Variants in WWOX observed in about 807,000 individuals in gnomAD.
WWOX encodes the protein WW domain-containing oxidoreductase.
In WWOX, 69 loss-of-function variants were observed where a neutral mutation model predicts 46.2. That is an observed-to-expected ratio of 1.49 (90% confidence interval 1.23 to 1.82). WWOX has a LOEUF of 1.82. Among genes scored for constraint, WWOX ranks in the 40% most tolerant of loss-of-function variants. The pLI, the probability that WWOX is intolerant of heterozygous loss-of-function variation, is 0.00. For missense variants in WWOX, 919 were observed against 542.6 expected (o/e 1.69, Z -6.89); for synonymous variants, 359 against 202.6 (o/e 1.77, Z -6.56).
At chr16:78,992,863 C>T (rs2046915575) in intron 8 of WWOX, among the ~76,000 whole-genome samples, 1 of 152,012 alleles carries the variant, frequency 6.6e-6, no homozygotes, top group Non-Finnish European at 1.5e-5. Flanking sequence ...AGTAGGCAGT[C>T]AGGATTTAAC....
intron 8 of WWOX, among the ~76,000 whole-genome samples, chr16:78,854,388 A>G (rs905799426): frequency 3.9e-5 from 6 of 152,248 alleles, no homozygotes; most frequent in South Asian, 2.1e-4. Flanking sequence ...TGAAATTATC[A>G]TGAAACACAT....
intron 5 of WWOX, among the ~76,000 whole-genome samples, chr16:78,172,641 C>G (rs1169383604): frequency 6.7e-6 from 1 of 149,326 alleles, no homozygotes; most frequent in Middle Eastern, 3.4e-3. Context: ...CCGAATCTTT[C>G]AAACTTTATA....
chr16:78,959,813 G>T (rs1195749849), intron 8 of WWOX, among the ~76,000 whole-genome samples: 1 of 152,192 alleles, frequency 6.6e-6, no homozygotes, highest in Admixed American at 6.5e-5. Flanking sequence ...TCTGAACCCT[G>T]TGGAAATCAT....
intron 5 of WWOX, among the ~76,000 whole-genome samples, chr16:78,370,727 C>G (rs2081656728): frequency 1.3e-5 from 2 of 149,670 alleles, no homozygotes; most frequent in Admixed American, 1.3e-4. Context: ...TCACCATCTG[C>G]CAATGTGAGT....
At chr16:78,754,815 C>T (rs2049595594) in intron 8 of WWOX, among the ~76,000 whole-genome samples, 1 of 152,096 alleles carries the variant, frequency 6.6e-6, no homozygotes, top group Admixed American at 6.5e-5. Context: ...TATAGATCTG[C>T]ACGGTTGGGC....
chr16:78,611,032 G>T (rs997248113), intron 8 of WWOX, among the ~76,000 whole-genome samples: 8 of 152,106 alleles, frequency 5.3e-5, no homozygotes, highest in Admixed American at 1.3e-4. Flanking sequence ...GCAATATGAA[G>T]AACAATTTCA....
intron 8 of WWOX, among the ~76,000 whole-genome samples, chr16:78,555,788 C>T (rs1232224471): frequency 2.6e-5 from 4 of 151,904 alleles, no homozygotes; most frequent in African/African-American, 9.7e-5. Flanking sequence ...TGACTTTGCC[C>T]ACAAATGCCA....
chr16:78,613,588 A>G (rs534845915), intron 8 of WWOX, among the ~76,000 whole-genome samples: 2 of 152,290 alleles, frequency 1.3e-5, no homozygotes, highest in South Asian at 2.1e-4. Context: ...CCACTGGTTC[A>G]ACACACCTGA....
At chr16:78,329,217 G>T (rs1457199858) in intron 5 of WWOX, among the ~76,000 whole-genome samples, 1 of 152,094 alleles carries the variant, frequency 6.6e-6, no homozygotes, top group Non-Finnish European at 1.5e-5. Context: ...GCAACCCCAT[G>T]GTATCGGTGG....
intron 8 of WWOX, among the ~76,000 whole-genome samples, chr16:78,433,777 CTTTTTTTTTTTTTTTTTT>C (rs547236644): frequency 1.2e-5 from 1 of 84,374 alleles, no homozygotes; most frequent in Non-Finnish European, 2.2e-5. Context: ...TTGGGGATGA[CTTTTTTTTTTTTTTTTTT>C]TTTTTTTTTT....
rs1241157001 is a variant in WWOX at position 78,099,786 on chromosome 16, C to A, written c.8C>A (p.Ala3Glu). 1 of 1,555,606 alleles carries A rather than the reference C, an allele frequency of 6.4e-7. No individual in the cohort carries two copies. The highest frequency in any genetic ancestry group is 8.7e-7 in the Non-Finnish European group (1 of 1,152,220). Residue 3 changes from alanine (A) to glutamate (E), a missense_variant, in exon 1 of 9, where the codon GCG becomes GAG. Transcript: ENST00000566780. MA[A>E]LRYAGLDDTD... Reference sequence around the variant, plus strand: ...GTGCCTCCACAGTCAGCCATGGCAGCGCTGCGCTACGCGGGGCTGGACGAC... The same window carrying A: ...GTGCCTCCACAGTCAGCCATGGCAGAGCTGCGCTACGCGGGGCTGGACGAC...
At chr16:78,929,542 A>T (rs1228761395) in intron 8 of WWOX, among the ~76,000 whole-genome samples, 1 of 152,160 alleles carries the variant, frequency 6.6e-6, no homozygotes, top group Non-Finnish European at 1.5e-5. Context: ...TCCGAGTGAG[A>T]TGGCCATACC....
At chr16:78,478,419 C>CA in intron 8 of WWOX, among the ~76,000 whole-genome samples, 1 of 152,164 alleles carries the variant, frequency 6.6e-6, no homozygotes, top group Admixed American at 6.5e-5. Flanking sequence ...CCATATTTAC[C>CA]ACCCCGGGGT....
chr16:78,548,841 G>A (rs2044110274), intron 8 of WWOX, among the ~76,000 whole-genome samples: 1 of 152,140 alleles, frequency 6.6e-6, no homozygotes, highest in Admixed American at 6.5e-5. Context: ...CCGTTAACTG[G>A]TCACATGCTG....
intron 8 of WWOX, among the ~76,000 whole-genome samples, chr16:79,209,709 T>A (rs1208548928): frequency 1.3e-5 from 2 of 152,230 alleles, no homozygotes; most frequent in Non-Finnish European, 2.9e-5. Flanking sequence ...ATACTTGGCT[T>A]GAGTTAGCTG....
chr16:78,155,252 G>A (rs1488835141), intron 4 of WWOX, among the ~76,000 whole-genome samples: 1 of 151,102 alleles, frequency 6.6e-6, no homozygotes, highest in Non-Finnish European at 1.5e-5. Flanking sequence ...GAGGAAGGAA[G>A]GAAAGAAAAG....
chr16:78,986,969 A>G (rs1188601560), intron 8 of WWOX, among the ~76,000 whole-genome samples: 1 of 152,070 alleles, frequency 6.6e-6, no homozygotes, highest in African/African-American at 2.4e-5. Context: ...GAGCATGGTC[A>G]GGAGGTACAG....
chr16:78,127,413 A>G (rs968557429), intron 4 of WWOX, among the ~76,000 whole-genome samples: 1 of 151,980 alleles, frequency 6.6e-6, no homozygotes, highest in Non-Finnish European at 1.5e-5. Context: ...ACCTGTATAA[A>G]TAACTGCTTT....
intron 3 of WWOX, among the ~76,000 whole-genome samples, chr16:78,114,683 C>T (rs2032680955): frequency 6.8e-6 from 1 of 146,008 alleles, no homozygotes; most frequent in Non-Finnish European, 1.5e-5. Context: ...AGCCCAAAAC[C>T]TTCTCAAGAA....
Sources: gnomAD v4.1 joint callset for allele counts (sites outside exome capture counted in the v4.1 genomes callset) on GRCh38, gnomAD v4.1.1 for gene constraint, MANE v1.5 for transcripts, NCBI Gene and HGNC (gene_info 2026-07-23, HGNC 2026-07-21) for gene names.